Variants in BSN observed in about 807,000 individuals in gnomAD.
BSN encodes the protein protein bassoon.
In BSN, 57 loss-of-function variants were observed where a neutral mutation model predicts 264.8. The ratio of observed to expected loss-of-function variants is 0.22; its 90% confidence interval spans 0.17 to 0.27. BSN has a LOEUF of 0.27. BSN is among the 10% of genes least tolerant of loss of function. The probability of loss-of-function intolerance (pLI) is 1.00; values close to 1 mark genes in which losing one functional copy is unlikely to be tolerated. For missense variants in BSN, 4,615 were observed against 5,232.5 expected, an observed-to-expected ratio of 0.88 and a Z score of 3.64; for synonymous variants, 2,059 against 2,137.3, an observed-to-expected ratio of 0.96 and a Z score of 1.01.
chr3:49,670,158 A>G lies in BSN; in HGVS notation c.*2673A>G, dbSNP rs997582531. On this transcript the variant is annotated 3_prime_UTR_variant, in exon 12 of 12. Coordinates refer to ENST00000296452, the MANE Select transcript of BSN (RefSeq NM_003458.4). ...ACCCATGGAATACCTGCCTCATCCC[A>G]AAGATCAGGTATGGGCTGAATGCAG... 6.6e-6 allele frequency: 1 copy of G among 152,510 alleles called. No individual in the cohort carries two copies. Among genetic ancestry groups the G allele is most frequent in the African/African-American group, 2.4e-5 (1 of 41,446 alleles). The allele number at this position is 152,510 out of a possible 1,614,324, so 9.4% of individuals were successfully genotyped here.
chr3:49,661,059 C>A lies in BSN; in HGVS notation c.9214C>A (p.Gln3072Lys), dbSNP rs1348380323. ...TTCTGCAGGCAGTGGTGGGCCAACTCAGAACGGATTCCCAGCCCACCAGGC... is the reference window on the plus strand; with the variant it reads ...TTCTGCAGGCAGTGGTGGGCCAACTAAGAACGGATTCCCAGCCCACCAGGC... ...QYSAGSGGPTQNGFPAHQAPT... is the reference protein window; with the variant it reads ...QYSAGSGGPTKNGFPAHQAPT... Residue 3072 changes from glutamine (Q) to lysine (K), a missense_variant, in exon 6 of 12, where the codon CAG becomes AAG. Around this residue, in one of 3 missense-constraint regions of BSN, gnomAD observed 3,415 missense variants for 3,866.4 expected, o/e 0.88. Transcript: ENST00000296452. 1.2e-6 allele frequency: 2 copies of A among 1,611,940 alleles called. No homozygotes were observed. The highest frequency in any genetic ancestry group is 1.7e-6 in the Non-Finnish European group (2 of 1,179,862).
Position 49,642,406 on chromosome 3 carries a change from C to A in BSN, c.772C>A (p.Leu258Met). ...TGCCCACTCCCCGGCCAAACAGCCC[C>A]TGGGGAAGCCAGACCAAGAGAGATC... ...SPAHSPAKQP[L>M]GKPDQERSRG... Residue 258 changes from leucine to methionine, a missense_variant, in exon 3 of 12, where the codon CTG becomes ATG. This residue lies in a region of BSN where 1,197 missense variants were observed against 1,348.0 expected (regional missense o/e 0.89). Transcript: ENST00000296452. This position sits in a 1 kb window ranked among gnomAD's most constrained non-coding sequence, Gnocchi z 7.0. The A allele has an allele frequency of 6.2e-7, 1 of 1,601,708 alleles. No homozygotes were observed. Among genetic ancestry groups the A allele is most frequent in the East Asian group, 2.3e-5 (1 of 44,298 alleles).
rs200703946 is a variant in BSN, at chr3:49,625,170, G to A, written c.420G>A (p.Arg140=). ...ACAGCAGGACACAGAGATCAGGGCG[G>A]TCCCCCTCAGTGTCACCGGACAGAG... is the stretch of plus-strand genomic sequence containing the variant. ...QVDSRTQRSG[R]SPSVSPDRGS... The change falls in exon 2 of 12, where the codon CGG becomes CGA. Residue 140 remains arginine, a synonymous_variant. Transcript: ENST00000296452. The surrounding 1 kb of genome is among the most constrained non-coding windows in gnomAD (Gnocchi z 4.4). 3.8e-6 allele frequency: 6 copies of A among 1,570,416 alleles called. No individual in the cohort carries two copies. In the East Asian group the frequency reaches 1.2e-4, roughly 30 times the overall value.
intron 1 of BSN, among the ~76,000 whole-genome samples, chr3:49,614,771 C>T (rs924662567): frequency 2.6e-5 from 4 of 152,214 alleles, no homozygotes; most frequent in Non-Finnish European, 5.9e-5. Context: ...CCTTATGTTA[C>T]CCTTATTTCC....
intron 1 of BSN, among the ~76,000 whole-genome samples, chr3:49,621,423 G>T (rs2052304682): frequency 1.3e-5 from 2 of 152,210 alleles, no homozygotes; most frequent in African/African-American, 4.8e-5. Flanking sequence ...AGAATCTGCA[G>T]AAGAGATTAG....
At chr3:49,599,353 C>T (rs2052052925) in intron 1 of BSN, among the ~76,000 whole-genome samples, 2 of 152,120 alleles carry the variant, frequency 1.3e-5, no homozygotes, top group Non-Finnish European at 2.9e-5. Flanking sequence ...TATATTTTTC[C>T]CTGGAATAGA....
In BSN at chr3:49,656,929, T is replaced by TGCAGCAGCAGCTGCA. The variant is rs775637787; in HGVS notation, c.7382_7396dup (p.Gln2461_Gln2465dup). 1.5e-5 allele frequency: 24 copies of TGCAGCAGCAGCTGCA among 1,598,210 alleles called. No homozygotes were observed. The highest frequency in any genetic ancestry group is 4.5e-5 in the East Asian group (2 of 44,376). On this transcript the variant is annotated inframe_insertion, in exon 5 of 12. Coordinates refer to ENST00000296452, the MANE Select transcript of BSN (RefSeq NM_003458.4). ...CTGCAGCTGGAGCAGATCCAGCAGC[T>TGCAGCAGCAGCTGCA]GCAGCAGCAGCTGCAGCAGCAGCTA...
At chr3:49,618,182 T>A (rs1237075193) in intron 1 of BSN, among the ~76,000 whole-genome samples, 1 of 152,166 alleles carries the variant, frequency 6.6e-6, no homozygotes, top group African/African-American at 2.4e-5. Flanking sequence ...CTTATCTGAA[T>A]TGAACTGAAG....
rs766684298 is a variant in BSN, at chr3:49,662,010, C to T, written c.10165C>T (p.Pro3389Ser). The stretch of plus-strand genomic sequence containing the variant: ...CGTAGAGTCAGACCTGGCGTCCTAC[C>T]CCCCACCTGCAGTCAGCAGCAGCCT... Reference protein sequence around the residue: ...KDVESDLASYPPPAVSSSLVS... With the variant: ...KDVESDLASYSPPAVSSSLVS... The change falls in exon 6 of 12, where the codon CCC (proline) becomes TCC (serine). Residue 3389 changes from proline (P) to serine (S), a missense_variant. Pro to Ser is a moderately conservative substitution (Grantham distance 74). This residue lies in a region of BSN where 3,415 missense variants were observed against 3,866.4 expected (regional missense o/e 0.88). Transcript: ENST00000296452. 1 of 1,613,718 alleles carries T rather than the reference C, an allele frequency of 6.2e-7. No individual in the cohort carries two copies. The highest frequency in any genetic ancestry group is 1.7e-5 in the Admixed American group (1 of 60,000).
intron 1 of BSN, among the ~76,000 whole-genome samples, chr3:49,620,945 A>C (rs2052300993): frequency 6.6e-6 from 1 of 152,264 alleles, no homozygotes; most frequent in Admixed American, 6.5e-5. Flanking sequence ...ACACACACAC[A>C]CACAAAAAGA....
At chr3:49,630,643 G>A (rs1392103574) in intron 2 of BSN, among the ~76,000 whole-genome samples, 2 of 152,158 alleles carry the variant, frequency 1.3e-5, no homozygotes, top group Non-Finnish European at 2.9e-5. Flanking sequence ...AGGGCCATAA[G>A]TTAAGCTAAG....
In BSN at chr3:49,654,236, G is replaced by A. The variant is rs376985751; in HGVS notation, c.4680G>A (p.Thr1560=). 24 of 1,613,232 alleles carry A rather than the reference G, an allele frequency of 1.5e-5. No individual in the cohort carries two copies. Among genetic ancestry groups the A allele is most frequent in the African/African-American group, 4.0e-5 (3 of 74,892 alleles). Residue 1560 remains threonine, a synonymous_variant, in exon 5 of 12, where the codon ACG becomes ACA. Transcript: ENST00000296452. This position sits in a 1 kb window ranked among gnomAD's most constrained non-coding sequence, Gnocchi z 4.1. ...SSQEAPFMVI[T]LASDASSQTR... is the part of the protein sequence containing the mutation. ...AAGAGGCTCCCTTTATGGTCATCAC[G>A]CTGGCATCTGACGCCTCCAGCCAGA...
At position 49,662,995 on chromosome 3, in the gene BSN, G is replaced by A. The variant is rs201274116; in HGVS notation, c.10837G>A (p.Ala3613Thr). Residue 3613 changes from alanine (A) to threonine (T), a missense_variant, in exon 7 of 12, where the codon GCC (alanine) becomes ACC (threonine). This residue lies in a region of BSN where 3,415 missense variants were observed against 3,866.4 expected (regional missense o/e 0.88). Coordinates refer to ENST00000296452, the MANE Select transcript of BSN (RefSeq NM_003458.4). ...CTCCTCCTCCCAGAAGCGAGGCCCT[G>A]CCAGGCACAGCTACCATGACTACGA... ...VSSSSQKRGP[A>T]RHSYHDYDEP... 6.8e-6 allele frequency: 11 copies of A among 1,614,108 alleles called. No individual in the cohort carries two copies. The East Asian group carries it at 2.2e-4, about 33-fold the overall frequency.
In BSN at chr3:49,652,970, C is replaced by G. The variant is rs1442521112; in HGVS notation, c.3414C>G (p.Ala1138=). ...CCTCCCTTGACTCTGAGGCTGAGGCCTTGGATGGTGGCCCTAGCCGGCTTT... is the reference window on the plus strand; with the variant it reads ...CCTCCCTTGACTCTGAGGCTGAGGCGTTGGATGGTGGCCCTAGCCGGCTTT... ...PSPSLDSEAE[A]LDGGPSRLYK... is the part of the protein sequence containing the mutation. The change falls in exon 5 of 12, where the codon GCC becomes GCG. Residue 1138 remains alanine, a synonymous_variant. Coordinates refer to ENST00000296452, the MANE Select transcript of BSN (RefSeq NM_003458.4). 1 of 1,612,770 alleles carries G rather than the reference C, an allele frequency of 6.2e-7. No homozygotes were observed. The highest frequency in any genetic ancestry group is 8.5e-7 in the Non-Finnish European group (1 of 1,179,486).
At chr3:49,648,687 C>G (rs964353223) in intron 3 of BSN, among the ~76,000 whole-genome samples, 2 of 152,204 alleles carry the variant, frequency 1.3e-5, no homozygotes, top group Admixed American at 6.5e-5. Context: ...CCCTGCCAGG[C>G]CAAGTGAGCC....
At chr3:49,586,458 T>G (rs2051939061) in intron 1 of BSN, among the ~76,000 whole-genome samples, 1 of 152,084 alleles carries the variant, frequency 6.6e-6, no homozygotes, top group Non-Finnish European at 1.5e-5. Context: ...CACTGCAGCC[T>G]CAACCTCAGC....
rs563509788 is a variant in BSN at position 49,585,635 on chromosome 3, G to A, written c.224+30809G>A. 6.6e-6 allele frequency among the ~76,000 whole-genome samples: 1 copy of A among 152,226 alleles called. No individual in the cohort carries two copies. The highest frequency in any genetic ancestry group is 2.4e-5 in the African/African-American group (1 of 41,464). On this transcript the variant is annotated intron_variant, in intron 1 of 11. Coordinates refer to ENST00000296452, the MANE Select transcript of BSN (RefSeq NM_003458.4). The surrounding 1 kb of genome is among the most constrained non-coding windows in gnomAD (Gnocchi z 4.7). ...CACGTTTCTTCAGCCGCCCCTGGGC[G>A]CTGCGTCTAACCCCAATTTTTAGTT...
intron 1 of BSN, among the ~76,000 whole-genome samples, chr3:49,619,015 A>G (rs2052282727): frequency 1.3e-5 from 2 of 152,256 alleles, no homozygotes; most frequent in Non-Finnish European, 2.9e-5. Context: ...CCCACCTTCC[A>G]TTGAAGAGAT....
At chr3:49,644,895 C>T (rs1296922752) in intron 3 of BSN, among the ~76,000 whole-genome samples, 2 of 152,214 alleles carry the variant, frequency 1.3e-5, no homozygotes, top group African/African-American at 2.4e-5. Context: ...GGCCAGGCCA[C>T]GGGAAGTGCT....
Sources: allele counts gnomAD v4.1 joint callset (sites outside exome capture counted in the v4.1 genomes callset), GRCh38; gene constraint gnomAD v4.1.1; regional missense constraint gnomAD v4.1.1; non-coding constraint Gnocchi (gnomAD v3.1); transcripts MANE v1.5; gene names NCBI Gene and HGNC (gene_info 2026-07-23, HGNC 2026-07-21).